Variants in WNT2 observed in about 807,000 individuals in gnomAD.
WNT2 encodes Wnt family member 2.
A neutral mutation model predicts 36.9 loss-of-function variants in WNT2; 12 were observed. The observed-to-expected ratio is 0.33, with a 90% confidence interval of 0.21 to 0.53. The LOEUF (loss-of-function observed/expected upper bound fraction) is 0.53, where lower values mean the gene tolerates loss of function less well. WNT2 is among the 20% of genes least tolerant of loss of function. WNT2 has a pLI of 0.95. For missense variants in WNT2, 379 were observed against 473.1 expected, an observed-to-expected ratio of 0.80 and a Z score of 1.84; for synonymous variants, 163 against 174.6, an observed-to-expected ratio of 0.93 and a Z score of 0.52.
At chr7:117,292,377 T>C (rs1794705730) in intron 4 of WNT2, among the ~76,000 whole-genome samples, 1 of 152,114 alleles carries the variant, frequency 6.6e-6, no homozygotes, top group Non-Finnish European at 1.5e-5. Context: ...TTTTTTATTC[T>C]CACAGGCCAT....
Position 117,323,043 on chromosome 7 carries a change from T to A in WNT2, c.-54A>T. 3.3e-6 allele frequency: 5 copies of A among 1,514,824 alleles called. No individual in the cohort carries two copies. Among genetic ancestry groups the A allele is most frequent in the Non-Finnish European group, 4.5e-6 (5 of 1,119,632 alleles). The allele number at this position is 1,514,824 out of a possible 1,614,324, so 93.8% of individuals were successfully genotyped here. A position where few individuals can be genotyped will look rare whatever the true frequency, so the allele number is the denominator to read the frequency against. On this transcript the variant is annotated 5_prime_UTR_variant, in exon 1 of 5. Transcript: ENST00000265441. Reference sequence around the variant, plus strand: ...AGACTCCGTGTGCGGGCGCCATGCGTGCCCAGAGCAGAAGCGCTCAGCTCC... The same window carrying A: ...AGACTCCGTGTGCGGGCGCCATGCGAGCCCAGAGCAGAAGCGCTCAGCTCC...
chr7:117,281,629 C>T (rs188556256), intron 4 of WNT2, among the ~76,000 whole-genome samples: 13 of 152,018 alleles, frequency 8.6e-5, no homozygotes, highest in East Asian at 1.9e-4. Context: ...AACTAGGTCG[C>T]GAAGGTAAGT....
chr7:117,302,888 T>C (rs1474549967), intron 3 of WNT2, among the ~76,000 whole-genome samples: 2 of 152,206 alleles, frequency 1.3e-5, no homozygotes, highest in Non-Finnish European at 2.9e-5. Context: ...TTTTACAATC[T>C]GGCTACAGTT....
In WNT2 at chr7:117,284,757, A is replaced by G. The variant is rs182219040; in HGVS notation, c.854-6373T>C. Among the ~76,000 whole-genome samples the G allele has an allele frequency of 6.6e-6, 1 of 152,160 alleles. No individual in the cohort carries two copies. The highest frequency in any genetic ancestry group is 1.5e-5 in the Non-Finnish European group (1 of 68,036). The stretch of plus-strand genomic sequence containing the variant: ...CTTATGTGAGCTAGGCCCCATGCTA[A>G]GCATTTTGCCTGCATTGTCTAATTT... On this transcript the variant is annotated intron_variant, in intron 4 of 4. Transcript: ENST00000265441. This position sits in a 1 kb window ranked among gnomAD's most constrained non-coding sequence, Gnocchi z 5.2.
At chr7:117,311,769 A>G (rs1323913479) in intron 3 of WNT2, among the ~76,000 whole-genome samples, 1 of 152,180 alleles carries the variant, frequency 6.6e-6, no homozygotes, top group African/African-American at 2.4e-5. Context: ...TTTATTAAGC[A>G]TCTATTACAT....
intron 4 of WNT2, among the ~76,000 whole-genome samples, chr7:117,288,255 ATAAT>A (rs1794622167): frequency 2.0e-5 from 3 of 152,238 alleles, no homozygotes; most frequent in Admixed American, 6.5e-5. Context: ...ATTAAACTTA[ATAAT>A]TAATTCATTC....
intron 2 of WNT2, among the ~76,000 whole-genome samples, chr7:117,319,225 A>G (rs977330725): frequency 3.9e-5 from 6 of 152,222 alleles, no homozygotes; most frequent in Non-Finnish European, 2.9e-5. Context: ...AAGTCTTAAA[A>G]TTCCATGAAG....
intron 4 of WNT2, among the ~76,000 whole-genome samples, chr7:117,292,114 G>GA (rs1794700883): frequency 6.6e-6 from 1 of 152,108 alleles, no homozygotes; most frequent in African/African-American, 2.4e-5. Context: ...AGGCATTGAC[G>GA]CTTTTGAAAA....
intron 4 of WNT2, among the ~76,000 whole-genome samples, chr7:117,285,384 A>G (rs1396151424): frequency 6.6e-6 from 1 of 152,200 alleles, no homozygotes; most frequent in Non-Finnish European, 1.5e-5. Context: ...GCCAATGCTG[A>G]GGACATTGAG....
At chr7:117,314,863 A>G (rs2116386279) in intron 3 of WNT2, among the ~76,000 whole-genome samples, 1 of 152,328 alleles carries the variant, frequency 6.6e-6, no homozygotes. Flanking sequence ...TCCTTCAACT[A>G]GCTATAGGAA....
chr7:117,300,173 A>C (rs1794875568), intron 3 of WNT2, among the ~76,000 whole-genome samples: 1 of 151,828 alleles, frequency 6.6e-6, no homozygotes, highest in Non-Finnish European at 1.5e-5. Context: ...AAGTTTCTTC[A>C]CTCTTTATTT....
rs1027683147 is a variant in WNT2, at chr7:117,275,874, G to A, written c.*2281C>T. On this transcript the variant is annotated 3_prime_UTR_variant, in exon 5 of 5. Coordinates refer to ENST00000265441, the MANE Select transcript of WNT2 (RefSeq NM_003391.3). ...CTTATGGATTAGGACAATTTATGTA[G>A]GTTCCTACGTGGATATCCTTGTCCC... Among the ~76,000 whole-genome samples the A allele has an allele frequency of 2.0e-5, 3 of 152,180 alleles. No homozygotes were observed. Among genetic ancestry groups the A allele is most frequent in the Non-Finnish European group, 2.9e-5 (2 of 68,032 alleles).
intron 3 of WNT2, among the ~76,000 whole-genome samples, chr7:117,301,182 C>G (rs39306): frequency 0.23 from 34,926 of 152,036 alleles, 4,583 homozygotes; most frequent in Non-Finnish European, 0.32. Flanking sequence ...GACAGCATCT[C>G]TAGTATTGGG....
At position 117,278,232 on chromosome 7, in the gene WNT2, A is replaced by G; in HGVS notation, c.1006T>C (p.Cys336Arg). 2 of 1,614,246 alleles carry G rather than the reference A, an allele frequency of 1.2e-6. No individual in the cohort carries two copies. Among genetic ancestry groups the G allele is most frequent in the Non-Finnish European group, 1.7e-6 (2 of 1,180,036 alleles). The change falls in exon 5 of 5, where the codon TGT (cysteine) becomes CGT (arginine). Residue 336 changes from cysteine to arginine, a missense_variant. Cys to Arg is a radical substitution (Grantham distance 180, BLOSUM62 -3). Coordinates refer to ENST00000265441, the MANE Select transcript of WNT2 (RefSeq NM_003391.3). ...TCCAGAGCTTCCAGGCAGTCCTGAC[A>G]GCGCACGGCGCAGCACCAGTGGAAC... ...CKFHWCCAVRCQDCLEALDVH... is the reference protein window; with the variant it reads ...CKFHWCCAVRRQDCLEALDVH...
intron 3 of WNT2, among the ~76,000 whole-genome samples, chr7:117,312,835 G>T (rs1197147035): frequency 6.6e-6 from 1 of 152,160 alleles, no homozygotes; most frequent in Admixed American, 6.5e-5. Context: ...AAATATTGGG[G>T]AAAAATTAAG....
intron 4 of WNT2, among the ~76,000 whole-genome samples, chr7:117,280,420 A>G (rs1794460786): frequency 6.6e-6 from 1 of 152,244 alleles, no homozygotes; most frequent in African/African-American, 2.4e-5. Flanking sequence ...TTGGGGCACA[A>G]GGGAGAATAA....
chr7:117,307,512 C>T (rs1795037381), intron 3 of WNT2, among the ~76,000 whole-genome samples: 1 of 152,142 alleles, frequency 6.6e-6, no homozygotes, highest in South Asian at 2.1e-4. Flanking sequence ...GTCTCTGGGG[C>T]TCATGTTCCT....
At chr7:117,313,468 TTG>T (rs1188280667) in intron 3 of WNT2, among the ~76,000 whole-genome samples, 2 of 152,224 alleles carry the variant, frequency 1.3e-5, no homozygotes, top group Non-Finnish European at 2.9e-5. Context: ...ACATTAAAAG[TTG>T]TGTTTATTCA....
intron 4 of WNT2, among the ~76,000 whole-genome samples, chr7:117,294,960 A>G (rs1794760952): frequency 6.6e-6 from 1 of 152,160 alleles, no homozygotes; most frequent in African/African-American, 2.4e-5. Flanking sequence ...TCGTGGTGAC[A>G]CATGCCTGTA....
Sources: gnomAD v4.1 joint callset for allele counts (sites outside exome capture counted in the v4.1 genomes callset) on GRCh38, gnomAD v4.1.1 for gene constraint, Gnocchi (gnomAD v3.1) non-coding constraint, MANE v1.5 for transcripts, NCBI Gene and HGNC (gene_info 2026-07-23, HGNC 2026-07-21) for gene names.